Variants in CCDC171 observed in about 807,000 individuals in gnomAD.
The protein encoded by CCDC171 is coiled-coil domain-containing protein 171.
Under a neutral mutation model 168.2 loss-of-function variants are expected in CCDC171, and 177 were observed. The observed-to-expected ratio is 1.05, with a 90% confidence interval of 0.93 to 1.19. CCDC171 has a LOEUF of 1.19. CCDC171 is among the 50% of genes most tolerant of loss of function. The pLI is 0.00. For missense variants in CCDC171, 1,991 were observed against 1,539.0 expected, an observed-to-expected ratio of 1.29 and a Z score of -4.91; for synonymous variants, 687 against 540.8, an observed-to-expected ratio of 1.27 and a Z score of -3.75.
intron 21 of CCDC171, among the ~76,000 whole-genome samples, chr9:15,807,390 G>A (rs1466280219): frequency 1.3e-5 from 2 of 152,094 alleles, no homozygotes; most frequent in Non-Finnish European, 2.9e-5. Context: ...ATAGAGTATT[G>A]GACTTTATTC....
At chr9:15,814,006 G>A (rs774928253) in intron 21 of CCDC171, among the ~76,000 whole-genome samples, 4 of 152,120 alleles carry the variant, frequency 2.6e-5, no homozygotes, top group Non-Finnish European at 5.9e-5. Context: ...GTAAATGGAA[G>A]GCCTTGGGAA....
At chr9:15,845,666 T>C (rs1279703788) in intron 21 of CCDC171, 1 of 152,102 alleles carries the variant, frequency 6.6e-6, no homozygotes, top group Non-Finnish European at 1.5e-5. Context: ...TGGATGTTAA[T>C]GTGTGGCTAA....
intron 11 of CCDC171, among the ~76,000 whole-genome samples, chr9:15,714,413 G>C (rs1261182987): frequency 6.6e-6 from 1 of 152,076 alleles, no homozygotes; most frequent in Non-Finnish European, 1.5e-5. Flanking sequence ...CTATGGGGTG[G>C]GTTCAGGTAC....
intron 1 of CCDC171, among the ~76,000 whole-genome samples, chr9:15,554,300 G>A (rs1266649252): frequency 6.6e-6 from 1 of 152,198 alleles, no homozygotes; most frequent in Non-Finnish European, 1.5e-5. Context: ...GATTACAGGC[G>A]TGAGCCACTG....
intron 9 of CCDC171, among the ~76,000 whole-genome samples, chr9:15,677,904 ATATATATATATATATATAT>A (rs1423014656): frequency 1.3e-4 from 3 of 22,264 alleles, no homozygotes; most frequent in African/African-American, 6.3e-4. Flanking sequence ...ATATATATAT[ATATATATATATATATATAT>A]ATAAGAGATG....
chr9:15,621,781 A>G (rs1254371913), intron 6 of CCDC171, among the ~76,000 whole-genome samples: 1 of 152,222 alleles, frequency 6.6e-6, no homozygotes, highest in East Asian at 1.9e-4. Context: ...ATTTCTGGGT[A>G]TATACTCAAA....
chr9:15,927,914 A>C (rs1394528221), intron 25 of CCDC171, among the ~76,000 whole-genome samples: 1 of 151,728 alleles, frequency 6.6e-6, no homozygotes, highest in Non-Finnish European at 1.5e-5. Context: ...ACCTTATCTT[A>C]GTTGATTATT....
chr9:16,053,022 T>C (rs1314106139), intron 1 of CCDC171, among the ~76,000 whole-genome samples: 2 of 152,256 alleles, frequency 1.3e-5, no homozygotes, highest in African/African-American at 2.4e-5. Context: ...ACATTGTTGC[T>C]GGAACGGTAA....
chr9:15,591,763 G>A (rs1342509315), intron 5 of CCDC171, among the ~76,000 whole-genome samples: 1 of 151,914 alleles, frequency 6.6e-6, no homozygotes, highest in Non-Finnish European at 1.5e-5. Context: ...AAAACGGTTT[G>A]CGGTCGCTAA....
intron 21 of CCDC171, among the ~76,000 whole-genome samples, chr9:15,821,977 A>G (rs1011157511): frequency 2.6e-5 from 4 of 152,204 alleles, no homozygotes; most frequent in Non-Finnish European, 4.4e-5. Flanking sequence ...TAGTATTACC[A>G]AAACAGAGAT....
chr9:15,978,753 G>T (rs745723232), downstream of CCDC171, among the ~76,000 whole-genome samples: 1 of 152,064 alleles, frequency 6.6e-6, no homozygotes, highest in African/African-American at 2.4e-5. Flanking sequence ...TATAGTTCAC[G>T]TAACATACAA....
At chr9:15,783,867 C>T (rs1187147473) in intron 20 of CCDC171, among the ~76,000 whole-genome samples, 1 of 152,162 alleles carries the variant, frequency 6.6e-6, no homozygotes, top group Admixed American at 6.5e-5. Context: ...ATTGAACACT[C>T]ACTGAGTGCC....
chr9:15,568,006 ATTG>A (rs2039886583), intron 2 of CCDC171, among the ~76,000 whole-genome samples: 1 of 151,570 alleles, frequency 6.6e-6, no homozygotes. Flanking sequence ...TATAAATGGA[ATTG>A]TTTTCTTAAT....
chr9:15,761,862 G>C (rs2056463053), intron 18 of CCDC171, among the ~76,000 whole-genome samples: 1 of 142,506 alleles, frequency 7.0e-6, no homozygotes. Flanking sequence ...TTATGAAAAA[G>C]TATAAGCATG....
intron 3 of CCDC171, among the ~76,000 whole-genome samples, chr9:16,013,847 A>G (rs914689643): frequency 6.6e-5 from 10 of 152,216 alleles, no homozygotes; most frequent in Admixed American, 5.9e-4. Flanking sequence ...AATTAAAAAT[A>G]TTTTCTTGTA....
intron 25 of CCDC171, among the ~76,000 whole-genome samples, chr9:15,955,888 A>G (rs937308144): frequency 6.6e-6 from 1 of 152,136 alleles, no homozygotes; most frequent in Non-Finnish European, 1.5e-5. Flanking sequence ...AACAAATTAT[A>G]ATAAGGAACA....
intron 25 of CCDC171, among the ~76,000 whole-genome samples, chr9:15,940,827 A>G (rs778829142): frequency 1.3e-5 from 2 of 151,864 alleles, no homozygotes; most frequent in Non-Finnish European, 2.9e-5. Flanking sequence ...TTCAAGAACA[A>G]CCAAGGGCAA....
Position 15,860,568 on chromosome 9 carries a change from T to C in CCDC171, c.3468+11621T>C, listed in dbSNP as rs2061516320. Among the ~76,000 whole-genome samples, 2 of 152,082 alleles carry C rather than the reference T, an allele frequency of 1.3e-5. 1 individual carries two copies. The highest frequency in any genetic ancestry group is 1.3e-4 in the Admixed American group (2 of 15,236). On this transcript the variant is annotated intron_variant, in intron 23 of 25. Coordinates refer to ENST00000380701, the MANE Select transcript of CCDC171 (RefSeq NM_173550.4). ...TATATATTGTGAATTTTCCAGTTTT[T>C]CTTCTATACTTTGTTTCTGGTTTCA...
Position 15,907,536 on chromosome 9 carries a change from A to T in CCDC171, c.3601-12734A>T, listed in dbSNP as rs142247957. On this transcript the variant is annotated intron_variant, in intron 24 of 25. Coordinates refer to ENST00000380701, the MANE Select transcript of CCDC171 (RefSeq NM_173550.4). The stretch of plus-strand genomic sequence containing the variant: ...GATGGATTAAAGACTTAAATGTTAG[A>T]TTTAAAACCATAAAAACCCTAGAAG... Among the ~76,000 whole-genome samples the T allele has an allele frequency of 9.8e-3, 1,489 of 152,334 alleles. 9 individuals carry two copies. The highest frequency in any genetic ancestry group is 0.016 in the Non-Finnish European group (1,099 of 68,018).
Sources: allele counts gnomAD v4.1 joint callset (sites outside exome capture counted in the v4.1 genomes callset), GRCh38; gene constraint gnomAD v4.1.1; transcripts MANE v1.5; gene names NCBI Gene and HGNC (gene_info 2026-07-23, HGNC 2026-07-21).